Variants in CELF2 observed in about 807,000 individuals in gnomAD.
The protein encoded by CELF2 is CUG triplet repeat RNA-binding protein 2.
Under a neutral mutation model 62.6 loss-of-function variants are expected in CELF2, and 8 were observed. The observed-to-expected ratio is 0.13, with a 90% CI of 0.07 to 0.23. The LOEUF (loss-of-function observed/expected upper bound fraction) is 0.23. Among genes scored for constraint, CELF2 ranks in the 10% least tolerant of loss-of-function variants. CELF2 has a pLI of 1.00. For synonymous variants in CELF2, 258 were observed against 250.0 expected, an observed-to-expected ratio of 1.03 and a Z score of -0.30; for missense variants, 333 against 671.0, an observed-to-expected ratio of 0.50 and a Z score of 5.56.
chr10:11,122,252 A>G (rs2057905770), intron 1 of CELF2, among the ~76,000 whole-genome samples: 1 of 152,194 alleles, frequency 6.6e-6, no homozygotes, highest in Non-Finnish European at 1.5e-5. Context: ...ACAGCCTGTC[A>G]TCCCCCAAAC....
intron 3 of CELF2, among the ~76,000 whole-genome samples, chr10:11,222,150 C>T (rs1291072608): frequency 6.6e-6 from 1 of 152,212 alleles, no homozygotes; most frequent in Non-Finnish European, 1.5e-5. Context: ...TGGAGTGCTG[C>T]AGTTTCTCTC....
intron 1 of CELF2, among the ~76,000 whole-genome samples, chr10:10,904,626 T>G (rs1429910272): frequency 6.6e-6 from 1 of 152,214 alleles, no homozygotes; most frequent in Non-Finnish European, 1.5e-5. Context: ...AGCCATGGCC[T>G]TATTCCTGGG....
At chr10:10,465,462 G>T in the CELF2 span, among the ~76,000 whole-genome samples, 1 of 152,044 alleles carries the variant, frequency 6.6e-6, no homozygotes, top group Admixed American at 6.6e-5. Flanking sequence ...TCTCTCATTT[G>T]CTTCAATTCT....
intron 1 of CELF2, among the ~76,000 whole-genome samples, chr10:10,891,610 T>C (rs1018574): frequency 0.81 from 123,400 of 152,062 alleles, 50,829 homozygotes; most frequent in East Asian, 1. Context: ...CAGACATGAG[T>C]TTTTAAGAGG....
the CELF2 span, among the ~76,000 whole-genome samples, chr10:10,478,659 T>C: frequency 0.019 from 2,923 of 152,292 alleles, 79 homozygotes; most frequent in African/African-American, 0.067. Flanking sequence ...AATAAATTAT[T>C]AAATCAGAAT....
chr10:10,642,921 A>G, the CELF2 span, among the ~76,000 whole-genome samples: 1 of 152,146 alleles, frequency 6.6e-6, no homozygotes. Context: ...CTCCACATGG[A>G]TTGCCTCTCA....
chr10:10,751,778 G>A, the CELF2 span, among the ~76,000 whole-genome samples: 9 of 152,276 alleles, frequency 5.9e-5, no homozygotes, highest in African/African-American at 2.2e-4. Flanking sequence ...TTAATGAGTA[G>A]TTAAATTGGG....
chr10:10,677,425 C>T, the CELF2 span, among the ~76,000 whole-genome samples: 1 of 152,148 alleles, frequency 6.6e-6, no homozygotes, highest in East Asian at 1.9e-4. Flanking sequence ...GACCACAGGG[C>T]AAATAAAGCT....
chr10:11,005,554 G>A lies in CELF2; in HGVS notation c.53+114G>A. The A allele has an allele frequency of 2.7e-6, 4 of 1,493,476 alleles. No homozygotes were observed. The highest frequency in any genetic ancestry group is 3.7e-6 in the Non-Finnish European group (4 of 1,079,096). The allele number at this position is 1,493,476 out of a possible 1,614,324, so 92.5% of individuals were successfully genotyped here. On this transcript the variant is annotated intron_variant, in intron 1 of 12. Coordinates refer to the CELF2 transcript ENST00000416382. The surrounding 1 kb of genome is among the most constrained non-coding windows in gnomAD (Gnocchi z 4.3). ...TTCCTTACCTTAGAAGAGAAGGGGG[G>A]AAAAAGAATCTAAAGAGGAAGAGGG... is the stretch of plus-strand genomic sequence containing the variant.
Position 11,288,486 on chromosome 10 carries a change from G to A in CELF2, c.910G>A (p.Ala304Thr). 2 of 1,613,866 alleles carry A rather than the reference G, an allele frequency of 1.2e-6. No homozygotes were observed. The highest frequency in any genetic ancestry group is 2.2e-5 in the East Asian group (1 of 44,892). The change falls in exon 9 of 13, where the codon GCC (alanine) becomes ACC (threonine). Residue 304 changes from alanine to threonine, a missense_variant. Transcript: ENST00000633077. ...AAAAAAAQTS[A>T]TSTNANPLST... ...TGCTGCAGCTGCGGCCCAGACCTCA[G>A]CCACCAGCACCAATGCAAACCCTCT...
chr10:10,507,390 T>C, the CELF2 span, among the ~76,000 whole-genome samples: 1 of 152,220 alleles, frequency 6.6e-6, no homozygotes, highest in Admixed American at 6.5e-5. Context: ...TTAGATTTTT[T>C]TTCTTTCCAA....
At chr10:10,766,903 T>C in the CELF2 span, among the ~76,000 whole-genome samples, 1 of 152,318 alleles carries the variant, frequency 6.6e-6, no homozygotes, top group East Asian at 1.9e-4. Flanking sequence ...TCTTCCAATC[T>C]TTCTCCTTCT....
chr10:11,156,506 A>G lies in CELF2; in HGVS notation c.75-8980A>G, dbSNP rs1411332229. On this transcript the variant is annotated intron_variant, in intron 1 of 12. Coordinates refer to ENST00000633077, the MANE Select transcript of CELF2 (RefSeq NM_001326342.2). The surrounding 1 kb of genome is among the most constrained non-coding windows in gnomAD (Gnocchi z 4.3). Reference sequence around the variant, plus strand: ...GCATGCTTTATTTGTCTCTGTCAAAACGGTCTTTTTAATCGATAAGGCTTA... The same window carrying G: ...GCATGCTTTATTTGTCTCTGTCAAAGCGGTCTTTTTAATCGATAAGGCTTA... Among the ~76,000 whole-genome samples, 1 of 152,110 alleles carries G rather than the reference A, an allele frequency of 6.6e-6. No individual in the cohort carries two copies. The highest frequency in any genetic ancestry group is 1.5e-5 in the Non-Finnish European group (1 of 68,024).
intron 1 of CELF2, among the ~76,000 whole-genome samples, chr10:10,822,821 T>C (rs1371788032): frequency 6.6e-6 from 1 of 152,232 alleles, no homozygotes; most frequent in Non-Finnish European, 1.5e-5. Flanking sequence ...TATTTACTTA[T>C]TATAGATTTT....
Position 11,329,260 on chromosome 10 carries a change from A to G in CELF2, c.*207A>G. ...TTAAAACTTGGGCTACTTTGTTTCT[A>G]TTGAGTAATTCCTCCTCCAGTTGTG... On this transcript the variant is annotated 3_prime_UTR_variant, in exon 13 of 13. Coordinates refer to ENST00000633077, the MANE Select transcript of CELF2 (RefSeq NM_001326342.2). The surrounding 1 kb of genome is among the most constrained non-coding windows in gnomAD (Gnocchi z 5.5). 2.6e-6 allele frequency: 1 copy of G among 380,958 alleles called. No homozygotes were observed. The highest frequency in any genetic ancestry group is 4.7e-6 in the Non-Finnish European group (1 of 214,762). 23.6% of individuals were successfully genotyped at this position (380,958 alleles called of 1,614,324 possible).
the CELF2 span, among the ~76,000 whole-genome samples, chr10:10,599,949 T>C: frequency 3.9e-5 from 6 of 152,104 alleles, no homozygotes; most frequent in Admixed American, 6.5e-5. Flanking sequence ...GCCAGGGTGG[T>C]CTCGATCTCC....
chr10:10,789,934 T>G, the CELF2 span, among the ~76,000 whole-genome samples: 1 of 152,072 alleles, frequency 6.6e-6, no homozygotes, highest in African/African-American at 2.4e-5. Context: ...CTTTATATTT[T>G]AATTGCATTT....
the CELF2 span, among the ~76,000 whole-genome samples, chr10:10,525,512 AC>A: frequency 1.3e-5 from 2 of 152,090 alleles, no homozygotes; most frequent in African/African-American, 4.8e-5. Context: ...TCTCCTTCTG[AC>A]CCCGTGTAAC....
At chr10:10,465,842 C>G in the CELF2 span, among the ~76,000 whole-genome samples, 3 of 152,074 alleles carry the variant, frequency 2.0e-5, no homozygotes, top group Non-Finnish European at 4.4e-5. Flanking sequence ...CTAACAAGCT[C>G]TAAGTCTTAA....
Sources: allele counts gnomAD v4.1 joint callset (sites outside exome capture counted in the v4.1 genomes callset), GRCh38; gene constraint gnomAD v4.1.1; non-coding constraint Gnocchi (gnomAD v3.1); transcripts MANE v1.5; gene names NCBI Gene and HGNC (gene_info 2026-07-23, HGNC 2026-07-21).